PPM1E: variants seen among roughly 807,000 people sequenced by gnomAD.
PPM1E encodes the protein protein phosphatase 1E.
In PPM1E, 20 loss-of-function variants were observed where a neutral mutation model predicts 65.9. That is an observed-to-expected ratio of 0.30 (90% CI 0.21 to 0.44). The LOEUF is 0.44. Among genes scored for constraint, PPM1E ranks in the 20% least tolerant of loss-of-function variants. PPM1E has a pLI of 1.00. For synonymous variants in PPM1E, 352 were observed against 374.9 expected (o/e 0.94, Z 0.70); for missense variants, 713 against 953.1 (o/e 0.75, Z 3.32).
chr17:58,918,312 T>C (rs2051708806), intron 1 of PPM1E, among the ~76,000 whole-genome samples: 1 of 152,210 alleles, frequency 6.6e-6, no homozygotes, highest in African/African-American at 2.4e-5. Flanking sequence ...AAACTGAACA[T>C]TTAACCAGTA....
At chr17:58,896,963 C>G (rs1375682860) in intron 1 of PPM1E, among the ~76,000 whole-genome samples, 1 of 152,086 alleles carries the variant, frequency 6.6e-6, no homozygotes, top group Non-Finnish European at 1.5e-5. Flanking sequence ...CTCTGAAATT[C>G]CTAGGGCCCT....
At chr17:58,816,445 TA>T (rs1204133230) in intron 1 of PPM1E, among the ~76,000 whole-genome samples, 1 of 151,754 alleles carries the variant, frequency 6.6e-6, no homozygotes, top group Non-Finnish European at 1.5e-5. Context: ...TCAGTGACAT[TA>T]GGTACACTCA....
chr17:58,924,260 A>AAGGG (rs926995792), intron 1 of PPM1E, among the ~76,000 whole-genome samples: 4 of 148,920 alleles, frequency 2.7e-5, no homozygotes, highest in South Asian at 2.3e-4. Flanking sequence ...GGAAGGAAGG[A>AAGGG]AGGGAGGGAG....
intron 1 of PPM1E, among the ~76,000 whole-genome samples, chr17:58,894,357 C>G (rs2051385881): frequency 6.6e-6 from 1 of 152,012 alleles, no homozygotes; most frequent in Non-Finnish European, 1.5e-5. Context: ...GTGATTATTA[C>G]CATTTTATCA....
intron 1 of PPM1E, among the ~76,000 whole-genome samples, chr17:58,849,176 T>C (rs960928777): frequency 6.6e-6 from 1 of 152,214 alleles, no homozygotes; most frequent in Admixed American, 6.6e-5. Flanking sequence ...TCTTCATTAG[T>C]CTTGCTAGCA....
At chr17:58,841,457 T>C (rs149298892) in intron 1 of PPM1E, among the ~76,000 whole-genome samples, 2 of 152,156 alleles carry the variant, frequency 1.3e-5, no homozygotes, top group African/African-American at 4.8e-5. Context: ...AAAATGGCAC[T>C]TTATCTCTGT....
rs1052773038 is a variant in PPM1E at position 58,980,972 on chromosome 17, C to T, written c.2209C>T (p.Leu737Phe). The part of the protein sequence containing the change: ...WKGYSENMRK[L>F]RKTHDIPCPD... ...AGGGTACAGTGAAAACATGAGGAAG[C>T]TCAGAAAGACTCATGATATTCCATG... is the stretch of plus-strand genomic sequence containing the variant. The change falls in exon 7 of 7, where the codon CTC becomes TTC. Residue 737 changes from leucine to phenylalanine, a missense_variant. Around this residue, in one of 6 missense-constraint regions of PPM1E, gnomAD observed 286 missense variants for 313.8 expected, o/e 0.91. Transcript: ENST00000308249. This position sits in a 1 kb window ranked among gnomAD's most constrained non-coding sequence, Gnocchi z 4.7. The T allele has an allele frequency of 1.2e-6, 2 of 1,613,864 alleles. No homozygotes were observed. The highest frequency in any genetic ancestry group is 2.7e-5 in the African/African-American group (2 of 74,916).
intron 1 of PPM1E, among the ~76,000 whole-genome samples, chr17:58,867,136 A>G (rs2051014483): frequency 6.6e-6 from 1 of 152,092 alleles, no homozygotes; most frequent in African/African-American, 2.4e-5. Flanking sequence ...ATGTGCCGCC[A>G]CACCCAGCTA....
chr17:58,804,100 T>A (rs1045206285), intron 1 of PPM1E, among the ~76,000 whole-genome samples: 1 of 152,114 alleles, frequency 6.6e-6, no homozygotes, highest in Non-Finnish European at 1.5e-5. Flanking sequence ...GCTAATTTTT[T>A]AATATTTTGA....
intron 1 of PPM1E, among the ~76,000 whole-genome samples, chr17:58,760,387 C>T (rs1164794674): frequency 6.6e-6 from 1 of 152,230 alleles, no homozygotes; most frequent in Non-Finnish European, 1.5e-5. Flanking sequence ...AAACCAAAAC[C>T]TGATACTCTT....
At chr17:58,887,990 G>A (rs560511939) in intron 1 of PPM1E, among the ~76,000 whole-genome samples, 24 of 152,312 alleles carry the variant, frequency 1.6e-4, no homozygotes, top group East Asian at 1.9e-4. Context: ...TGTGGTGTAC[G>A]TGAAGGGAAG....
At chr17:58,790,948 G>A (rs994114658) in intron 1 of PPM1E, among the ~76,000 whole-genome samples, 1 of 150,638 alleles carries the variant, frequency 6.6e-6, no homozygotes, top group Non-Finnish European at 1.5e-5. Context: ...GGAGTACAGT[G>A]GCACCACCAC....
chr17:58,826,748 C>G (rs2050541234), intron 1 of PPM1E, among the ~76,000 whole-genome samples: 1 of 151,958 alleles, frequency 6.6e-6, no homozygotes, highest in Admixed American at 6.6e-5. Flanking sequence ...GCCTCACCCT[C>G]CTTTGTAGCT....
chr17:58,868,034 G>C (rs139927571), intron 1 of PPM1E, among the ~76,000 whole-genome samples: 1 of 152,136 alleles, frequency 6.6e-6, no homozygotes, highest in East Asian at 1.9e-4. Context: ...GTGTCATTAA[G>C]AGCTTGTGTT....
intron 1 of PPM1E, among the ~76,000 whole-genome samples, chr17:58,953,387 C>T (rs1409680011): frequency 6.6e-6 from 1 of 152,154 alleles, no homozygotes; most frequent in Non-Finnish European, 1.5e-5. Flanking sequence ...ATGTGGAGAT[C>T]ACATGTTGGG....
intron 1 of PPM1E, among the ~76,000 whole-genome samples, chr17:58,907,194 C>T (rs1212420367): frequency 6.6e-6 from 1 of 151,846 alleles, no homozygotes; most frequent in Non-Finnish European, 1.5e-5. Flanking sequence ...TGCAGTGAGC[C>T]AGGATCGCGC....
intron 2 of PPM1E, among the ~76,000 whole-genome samples, chr17:58,957,880 T>C (rs1470707199): frequency 9.2e-5 from 14 of 152,352 alleles, no homozygotes. Flanking sequence ...TGGTGACTCA[T>C]GCCTGTAATG....
intron 4 of PPM1E, among the ~76,000 whole-genome samples, chr17:58,970,199 G>A (rs1478072455): frequency 6.6e-6 from 1 of 152,228 alleles, no homozygotes; most frequent in African/African-American, 2.4e-5. Context: ...TTCGCTTGGA[G>A]AGGGTGAATC....
chr17:58,816,763 TATATATATATATATATATATA>T (rs2050421705), intron 1 of PPM1E, among the ~76,000 whole-genome samples: 1 of 10,956 alleles, frequency 9.1e-5, no homozygotes. Flanking sequence ...TATATATATA[TATATATATATATATATATATA>T]TATATATATA....
Sources: gnomAD v4.1 joint callset for allele counts (sites outside exome capture counted in the v4.1 genomes callset) on GRCh38, gnomAD v4.1.1 for gene constraint, gnomAD v4.1.1 regional missense constraint, Gnocchi (gnomAD v3.1) non-coding constraint, MANE v1.5 for transcripts, NCBI Gene and HGNC (gene_info 2026-07-23, HGNC 2026-07-21) for gene names.